Variants in APRT observed in about 807,000 individuals in gnomAD.
APRT encodes AMP diphosphorylase.
APRT carries 25 observed loss-of-function variants against 21.0 expected under a neutral mutation model. That is an observed-to-expected ratio of 1.19 (90% CI 0.87 to 1.66). The LOEUF (loss-of-function observed/expected upper bound fraction) is 1.66, where lower values mean the gene tolerates loss of function less well. APRT is among the 40% of genes most tolerant of loss of function. APRT has a pLI of 0.00. For synonymous variants in APRT, 153 were observed against 109.0 expected, an observed-to-expected ratio of 1.40 and a Z score of -2.52; for missense variants, 294 against 232.7, an observed-to-expected ratio of 1.26 and a Z score of -1.72.
chr16:88,810,261 G>C, intron 3 of APRT, 113 bp from the exon 4 acceptor site: 21 of 1,494,520 alleles, frequency 1.4e-5, no homozygotes, highest in Non-Finnish European at 1.9e-5. Context: ...GCTGTTACCT[G>C]GCTGTGTGAG....
intron 2 of APRT, among the ~76,000 whole-genome samples, chr16:88,810,790 C>T (rs1358875580): frequency 6.6e-6 from 1 of 152,174 alleles, no homozygotes; most frequent in Admixed American, 6.5e-5. Context: ...GTCACCACCC[C>T]TCTCTCTGAG....
intron 2 of APRT, chr16:88,811,130 T>C (rs1190306295): frequency 5.3e-6 from 2 of 378,722 alleles, no homozygotes; most frequent in African/African-American, 2.1e-5. Context: ...GGGCCACCTC[T>C]TGGGCTCTCC....
rs8191484 is a variant in APRT at position 88,810,820 on chromosome 16, C to T, written c.188-264G>A. 9.0e-3 allele frequency among the ~76,000 whole-genome samples: 1,369 copies of T among 152,294 alleles called. 20 individuals are homozygous for T. Among genetic ancestry groups the T allele is most frequent in the African/African-American group, 0.032 (1,321 of 41,566 alleles). Reference sequence around the variant, plus strand: ...TCTGAGCTGAGCAGCCCATCTGTAACTGGGCTGGTAGAAACCTGACAGGCC... The same window carrying T: ...TCTGAGCTGAGCAGCCCATCTGTAATTGGGCTGGTAGAAACCTGACAGGCC... On this transcript the variant is annotated intron_variant, in intron 2 of 4. Coordinates refer to ENST00000378364, the MANE Select transcript of APRT (RefSeq NM_000485.3).
chr16:88,810,986 G>C (rs8191480), intron 2 of APRT, among the ~76,000 whole-genome samples: 2,508 of 152,252 alleles, frequency 0.016, 50 homozygotes, highest in East Asian at 0.092. Flanking sequence ...AGGGCTTCCT[G>C]CAGGAGGTGA....
At position 88,809,360 on chromosome 16, in the gene APRT, C is replaced by T. The variant is rs1289575886; in HGVS notation, c.*338G>A. Reference sequence around the variant, plus strand: ...CTAGCTCCTGAGGTGAGAACCAGGACAGGTTCTGCTGGGCATCACGCCAAG... The same window carrying T: ...CTAGCTCCTGAGGTGAGAACCAGGATAGGTTCTGCTGGGCATCACGCCAAG... On this transcript the variant is annotated 3_prime_UTR_variant, in exon 5 of 5. Transcript: ENST00000378364. 2.1e-6 allele frequency: 1 copy of T among 479,682 alleles called. No homozygotes were observed. The highest frequency in any genetic ancestry group is 2.3e-5 in the Admixed American group (1 of 42,698). 29.7% of individuals were successfully genotyped at this position (479,682 alleles called of 1,614,324 possible). A position where few individuals can be genotyped will look rare whatever the true frequency, so the allele number is the denominator to read the frequency against.
rs374197629 is a variant in APRT at position 88,810,059 on chromosome 16, G to C, written c.400+11C>G. 1.2e-6 allele frequency: 2 copies of C among 1,612,868 alleles called. No homozygotes were observed. The highest frequency in any genetic ancestry group is 2.2e-5 in the East Asian group (1 of 44,888). On this transcript the variant is annotated intron_variant, in intron 4 of 4. Transcript: ENST00000378364. ...TGGAGCCACAGCAGTTGGCTGCGGG[G>C]AGACCCTTACCACCAGTGGCCAGCA...
At chr16:88,810,336 CA>C in intron 3 of APRT, 86 bp downstream of exon 3, 2 of 1,575,916 alleles carry the variant, frequency 1.3e-6, no homozygotes, top group Non-Finnish European at 1.7e-6. Context: ...CTCCACTTGA[CA>C]CGCCTGGGAA....
rs8191485 is a variant in APRT, at chr16:88,810,655, A to G, written c.188-99T>C. On this transcript the variant is annotated intron_variant, in intron 2 of 4. Coordinates refer to ENST00000378364, the MANE Select transcript of APRT (RefSeq NM_000485.3). ...GGTACCTGGTTGGCTCCCAGCTGAAAGGCCAGTGACATGCACCATTTAAGG... is the reference window on the plus strand; with the variant it reads ...GGTACCTGGTTGGCTCCCAGCTGAAGGGCCAGTGACATGCACCATTTAAGG... 1.2e-3 allele frequency: 1,675 copies of G among 1,449,618 alleles called. 14 individuals are homozygous for G. In the African/African-American group the frequency reaches 0.021, roughly 18 times the overall value. 89.8% of individuals were successfully genotyped at this position (1,449,618 alleles called of 1,614,324 possible). A position where few individuals can be genotyped will look rare whatever the true frequency, so the allele number is the denominator to read the frequency against.
rs367973305 is a variant in APRT, at chr16:88,809,846, G to A, written c.401-6C>T. The A allele has an allele frequency of 5.0e-6, 8 of 1,610,696 alleles. No homozygotes were observed. The highest frequency in any genetic ancestry group is 1.1e-5 in the South Asian group (1 of 91,056). On this transcript the variant is annotated splice_polypyrimidine_tract_variant and splice_region_variant and intron_variant, in intron 4 of 4. Coordinates refer to ENST00000378364, the MANE Select transcript of APRT (RefSeq NM_000485.3). ...ACAGGCAGCGTTCATGGTTCCTGGG[G>A]ATGGGAGGGTGAGGTCCCCAGTTGG...
In APRT at chr16:88,809,478, A is replaced by C. The variant is rs749529041; in HGVS notation, c.*220T>G. The C allele has an allele frequency of 1.4e-6, 1 of 735,448 alleles. No homozygotes were observed. Among genetic ancestry groups the C allele is most frequent in the Non-Finnish European group, 2.3e-6 (1 of 425,558 alleles). The allele number at this position is 735,448 out of a possible 1,614,324, so 45.6% of individuals were successfully genotyped here. On this transcript the variant is annotated 3_prime_UTR_variant, in exon 5 of 5. Coordinates refer to ENST00000378364, the MANE Select transcript of APRT (RefSeq NM_000485.3). The stretch of plus-strand genomic sequence containing the variant: ...GGACAGGAGACGGCTCTTGTGGGAA[A>C]GCTGTTTACTGCGTTCTCCCGCTGT...
Position 88,809,376 on chromosome 16 carries a change from T to A in APRT, c.*322A>T, listed in dbSNP as rs1477548720. 2 of 502,820 alleles carry A rather than the reference T, an allele frequency of 4.0e-6. No homozygotes were observed. Among genetic ancestry groups the A allele is most frequent in the Admixed American group, 4.6e-5 (2 of 43,580 alleles). The allele number at this position is 502,820 out of a possible 1,614,324, so 31.1% of individuals were successfully genotyped here. A position where few individuals can be genotyped will look rare whatever the true frequency, so the allele number is the denominator to read the frequency against. Reference sequence around the variant, plus strand: ...GAACCAGGACAGGTTCTGCTGGGCATCACGCCAAGCAGCACATGCCCACAG... The same window carrying A: ...GAACCAGGACAGGTTCTGCTGGGCAACACGCCAAGCAGCACATGCCCACAG... On this transcript the variant is annotated 3_prime_UTR_variant, in exon 5 of 5. Coordinates refer to ENST00000378364, the MANE Select transcript of APRT (RefSeq NM_000485.3).
intron 2 of APRT, 164 bp downstream of exon 2, chr16:88,811,386 G>A (rs763007224): frequency 5.5e-6 from 4 of 731,794 alleles, no homozygotes; most frequent in Non-Finnish European, 6.6e-6. Flanking sequence ...GGCCTCGGGG[G>A]CTCAATCTCA....
intron 2 of APRT, 47 bp downstream of exon 2, chr16:88,811,501 GGC>G (rs1567505559): frequency 6.6e-7 from 1 of 1,514,190 alleles, no homozygotes; most frequent in Admixed American, 1.9e-5. Flanking sequence ...TGCTGCCCTC[GGC>G]GCGCGCAGAG....
intron 1 of APRT, 42 bp from the exon 2 acceptor site, chr16:88,811,698 G>A (rs1218342854): frequency 6.6e-7 from 1 of 1,522,766 alleles, no homozygotes; most frequent in African/African-American, 1.4e-5. Flanking sequence ...GGCCGAAGGA[G>A]GGCAGGGCCC....
chr16:88,809,787 C>G lies in APRT; in HGVS notation c.454G>C (p.Glu152Gln). ...GTCAGCTCCACCAGGCTCACGCACT[C>G]CAGGACCTCAGCCTGCAGGCGGCCC... ...LLGRLQAEVL[E>Q]CVSLVELTSL... The change falls in exon 5 of 5, where the codon GAG becomes CAG. Residue 152 changes from glutamate to glutamine, a missense_variant. By Grantham distance (29) the Glu-to-Gln change is conservative. Coordinates refer to ENST00000378364, the MANE Select transcript of APRT (RefSeq NM_000485.3). 6.2e-7 allele frequency: 1 copy of G among 1,613,244 alleles called. No individual in the cohort carries two copies. Among genetic ancestry groups the G allele is most frequent in the Non-Finnish European group, 8.5e-7 (1 of 1,180,018 alleles).
In APRT at chr16:88,809,523, G is replaced by A. The variant is rs1374415688; in HGVS notation, c.*175C>T. On this transcript the variant is annotated 3_prime_UTR_variant, in exon 5 of 5. Coordinates refer to ENST00000378364, the MANE Select transcript of APRT (RefSeq NM_000485.3). ...CGCTGTGTGTAATTGGGTTCAGTGT[G>A]GCTGAAACACAGCTTTGCCCCAGGC... The A allele has an allele frequency of 9.7e-7, 1 of 1,033,016 alleles. No homozygotes were observed. Among genetic ancestry groups the A allele is most frequent in the Admixed American group, 2.0e-5 (1 of 50,752 alleles). 64.0% of individuals were successfully genotyped at this position (1,033,016 alleles called of 1,614,324 possible).
intron 2 of APRT, chr16:88,811,208 G>T (rs544289618): frequency 2.6e-5 from 12 of 468,586 alleles, no homozygotes; most frequent in East Asian, 1.4e-4. Flanking sequence ...GGCCTGGCTC[G>T]TGGCAGGCGC....
intron 4 of APRT, 62 bp downstream of exon 4, chr16:88,810,008 G>A: frequency 6.3e-7 from 1 of 1,590,272 alleles, no homozygotes; most frequent in South Asian, 1.1e-5. Flanking sequence ...ACACAGCGAG[G>A]TCCTGTCCCA....
chr16:88,811,690 C>A, intron 1 of APRT, 34 bp from the exon 2 acceptor site: 1 of 1,533,972 alleles, frequency 6.5e-7, no homozygotes, highest in Non-Finnish European at 8.8e-7. Flanking sequence ...GACGCCGGGG[C>A]CGAAGGAGGG....
Sources: allele counts gnomAD v4.1 joint callset (sites outside exome capture counted in the v4.1 genomes callset), GRCh38; gene constraint gnomAD v4.1.1; transcripts MANE v1.5; gene names NCBI Gene and HGNC (gene_info 2026-07-23, HGNC 2026-07-21).